METTL15: variants seen among roughly 807,000 people sequenced by gnomAD.
METTL15 encodes the protein methyltransferase 15, mitochondrial 12S rRNA N4-cytidine.
A neutral mutation model predicts 38.3 loss-of-function variants in METTL15; 34 were observed. The ratio of observed to expected loss-of-function variants is 0.89; its 90% CI spans 0.68 to 1.18. METTL15 has a LOEUF of 1.18. Ranked by LOEUF, METTL15 falls within the 50% of genes most tolerant of loss-of-function variation. The pLI, the probability that METTL15 is intolerant of heterozygous loss-of-function variation, is 0.00. For missense variants in METTL15, 438 were observed against 498.4 expected, an observed-to-expected ratio of 0.88 and a Z score of 1.15; for synonymous variants, 162 against 170.9, an observed-to-expected ratio of 0.95 and a Z score of 0.41.
At chr11:28,381,418 T>C (rs539727466) in intron 5 of METTL15, among the ~76,000 whole-genome samples, 1 of 152,314 alleles carries the variant, frequency 6.6e-6, no homozygotes, top group Admixed American at 6.5e-5. Flanking sequence ...TTTTGTAGTC[T>C]TTCTAATTAT....
At chr11:28,254,862 A>C (rs143298540) in intron 4 of METTL15, among the ~76,000 whole-genome samples, 16 of 151,756 alleles carry the variant, frequency 1.1e-4, no homozygotes, top group Admixed American at 3.9e-4. Context: ...TTTGGTTACT[A>C]TTATCTCTGT....
downstream of METTL15, among the ~76,000 whole-genome samples, chr11:28,337,070 A>C (rs1360094948): frequency 1.3e-5 from 2 of 152,174 alleles, no homozygotes; most frequent in South Asian, 2.1e-4. Flanking sequence ...TTAACTAAAA[A>C]GTTTTAAAAG....
chr11:28,211,034 T>C (rs1414711830), intron 3 of METTL15, 28 bp from the exon 4 acceptor site: 11 of 1,592,364 alleles, frequency 6.9e-6, no homozygotes, highest in Non-Finnish European at 7.7e-6. Flanking sequence ...TATGCTAAGT[T>C]GTAATTTTCT....
intron 5 of METTL15, among the ~76,000 whole-genome samples, chr11:28,403,975 A>G (rs542233920): frequency 6.6e-6 from 1 of 152,060 alleles, no homozygotes; most frequent in Non-Finnish European, 1.5e-5. Flanking sequence ...ATGATGGGTA[A>G]ATTACTGTAG....
intron 4 of METTL15, among the ~76,000 whole-genome samples, chr11:28,238,044 G>T (rs1235696008): frequency 3.3e-5 from 5 of 152,316 alleles, no homozygotes; most frequent in African/African-American, 4.8e-5. Flanking sequence ...AGGCTGCTCG[G>T]GGGTCAGGGG....
At chr11:28,191,961 G>T (rs1851715172) in intron 3 of METTL15, among the ~76,000 whole-genome samples, 2 of 151,432 alleles carry the variant, frequency 1.3e-5, no homozygotes, top group South Asian at 4.2e-4. Flanking sequence ...CCTCTGTTTG[G>T]TATACTCAGT....
intron 5 of METTL15, among the ~76,000 whole-genome samples, chr11:28,380,904 A>C (rs1221140356): frequency 6.6e-6 from 1 of 151,968 alleles, no homozygotes; most frequent in Non-Finnish European, 1.5e-5. Context: ...GTAAGGTTTC[A>C]GTTGAGAAGT....
intron 4 of METTL15, among the ~76,000 whole-genome samples, chr11:28,244,908 C>T (rs1488631830): frequency 6.6e-6 from 1 of 152,110 alleles, no homozygotes; most frequent in African/African-American, 2.4e-5. Context: ...TTCCTTTCTT[C>T]TGATATTTTG....
At chr11:28,259,970 C>T (rs1257198387) in intron 4 of METTL15, among the ~76,000 whole-genome samples, 7 of 152,194 alleles carry the variant, frequency 4.6e-5, no homozygotes, top group Admixed American at 1.3e-4. Flanking sequence ...CTTCTGATTA[C>T]TTTAAAATAT....
intron 3 of METTL15, among the ~76,000 whole-genome samples, chr11:28,198,638 A>G (rs1008567263): frequency 6.6e-6 from 1 of 152,164 alleles, no homozygotes; most frequent in Non-Finnish European, 1.5e-5. Context: ...CCCATATAAT[A>G]GTTACCAATA....
intron 3 of METTL15, among the ~76,000 whole-genome samples, chr11:28,173,361 T>G (rs1219146510): frequency 6.6e-6 from 1 of 152,036 alleles, no homozygotes; most frequent in Non-Finnish European, 1.5e-5. Context: ...TTATACCAAG[T>G]GAAGATGCAG....
chr11:28,210,755 A>G (rs1170043558), intron 3 of METTL15, among the ~76,000 whole-genome samples: 2 of 152,014 alleles, frequency 1.3e-5, no homozygotes, highest in Admixed American at 1.3e-4. Flanking sequence ...GGGAAGTGTT[A>G]AAGAGCTGGG....
chr11:28,157,447 C>G (rs1451889845), intron 3 of METTL15, among the ~76,000 whole-genome samples: 1 of 152,136 alleles, frequency 6.6e-6, no homozygotes, highest in Admixed American at 6.5e-5. Flanking sequence ...GGCAGGCCCC[C>G]CATAGGTGAG....
rs180980161 is a variant in METTL15 at position 28,211,391 on chromosome 11, A to G, written c.407+193A>G. 9.0e-4 allele frequency among the ~76,000 whole-genome samples: 137 copies of G among 152,128 alleles called. 1 individual carries two copies. Among genetic ancestry groups the G allele is most frequent in the African/African-American group, 3.3e-3 (136 of 41,552 alleles). ...CTTAAAGTAATGCTATTTTCCAGTTATCCTTTCTGAATCCATAAAAAGAAA... is the reference window on the plus strand; with the variant it reads ...CTTAAAGTAATGCTATTTTCCAGTTGTCCTTTCTGAATCCATAAAAAGAAA... On this transcript the variant is annotated intron_variant, in intron 4 of 6. Coordinates refer to ENST00000407364, the MANE Select transcript of METTL15 (RefSeq NM_001113528.2).
chr11:28,405,589 G>C (rs550707927), intron 5 of METTL15, among the ~76,000 whole-genome samples: 2 of 152,226 alleles, frequency 1.3e-5, no homozygotes, highest in South Asian at 4.1e-4. Context: ...AAAAGCGTGT[G>C]AGAACATTAC....
At chr11:28,426,584 G>GTTTTTTT (rs66959082) in intron 6 of METTL15, among the ~76,000 whole-genome samples, 10 of 82,324 alleles carry the variant, frequency 1.2e-4, no homozygotes, top group African/African-American at 3.2e-4. Context: ...GCCAGCATCT[G>GTTTTTTT]TTTTTTTTTT....
At chr11:28,238,557 C>A (rs893703522) in intron 4 of METTL15, among the ~76,000 whole-genome samples, 1 of 152,224 alleles carries the variant, frequency 6.6e-6, no homozygotes, top group Non-Finnish European at 1.5e-5. Flanking sequence ...CCTTGCACTT[C>A]CCGAGTGAGG....
At chr11:28,326,279 A>G (rs536861255) in intron 6 of METTL15, among the ~76,000 whole-genome samples, 21 of 151,626 alleles carry the variant, frequency 1.4e-4, no homozygotes, top group African/African-American at 5.1e-4. Flanking sequence ...TAGGCATTGA[A>G]TCTGTTAGTT....
At chr11:28,508,359 A>G (rs1851646800) in intron 6 of METTL15, among the ~76,000 whole-genome samples, 1 of 152,186 alleles carries the variant, frequency 6.6e-6, no homozygotes, top group East Asian at 1.9e-4. Flanking sequence ...TAGCTGCCTA[A>G]CAAATACTTT....
Sources: gnomAD v4.1 joint callset for allele counts (sites outside exome capture counted in the v4.1 genomes callset) on GRCh38, gnomAD v4.1.1 for gene constraint, MANE v1.5 for transcripts, NCBI Gene and HGNC (gene_info 2026-07-23, HGNC 2026-07-21) for gene names.